The following GNG12 variants were observed in gnomAD, a reference collection of about 807,000 sequenced individuals.
GNG12 encodes guanine nucleotide-binding protein G(I)/G(S)/G(O) subunit gamma-12.
For missense variants in GNG12, 69 were observed against 83.8 expected (o/e 0.82, Z 0.69); for synonymous variants, 28 against 29.7 (o/e 0.94, Z 0.19).
intron 2 of GNG12, among the ~76,000 whole-genome samples, chr1:67,745,408 C>G (rs1184447802): frequency 6.6e-6 from 1 of 152,188 alleles, no homozygotes; most frequent in Non-Finnish European, 1.5e-5. Flanking sequence ...TCTTCTGGGC[C>G]CTGCTTCTTC....
chr1:67,815,265 T>C (rs567686503), intron 1 of GNG12, among the ~76,000 whole-genome samples: 2 of 152,310 alleles, frequency 1.3e-5, no homozygotes, highest in South Asian at 2.1e-4. Flanking sequence ...CTTATATCCC[T>C]GATAAAAATA....
At chr1:67,758,854 T>G (rs1646585317) in intron 2 of GNG12, among the ~76,000 whole-genome samples, 1 of 151,554 alleles carries the variant, frequency 6.6e-6, no homozygotes, top group Non-Finnish European at 1.5e-5. Flanking sequence ...CTCATGGAGG[T>G]AGAGACTAGA....
chr1:67,707,226 C>T (rs1182708991), intron 3 of GNG12, among the ~76,000 whole-genome samples: 5 of 152,206 alleles, frequency 3.3e-5, no homozygotes, highest in African/African-American at 1.2e-4. Flanking sequence ...CTCAGCTGCA[C>T]TGATAATTCT....
chr1:67,832,737 C>T (rs537847349), intron 1 of GNG12, among the ~76,000 whole-genome samples: 70 of 152,286 alleles, frequency 4.6e-4, no homozygotes, highest in Admixed American at 7.2e-4. Flanking sequence ...ATGGGCTCTC[C>T]CCTCTGCGAC....
chr1:67,830,078 T>A (rs1402858748), intron 1 of GNG12, among the ~76,000 whole-genome samples: 1 of 151,398 alleles, frequency 6.6e-6, no homozygotes, highest in Admixed American at 6.6e-5. Context: ...CGATCTCGAT[T>A]CACCGCAACC....
chr1:67,734,905 G>C (rs1326407302), intron 2 of GNG12, among the ~76,000 whole-genome samples: 1 of 152,164 alleles, frequency 6.6e-6, no homozygotes, highest in Non-Finnish European at 1.5e-5. Context: ...CCAGGTTGTA[G>C]TGCAATGGCG....
chr1:67,762,666 C>T (rs988674615), intron 2 of GNG12, among the ~76,000 whole-genome samples: 63 of 152,058 alleles, frequency 4.1e-4, no homozygotes, highest in African/African-American at 1.4e-3. Flanking sequence ...TGAGCATTAG[C>T]GTTTATCTCT....
At chr1:67,777,912 G>A (rs1447069420) in intron 1 of GNG12, among the ~76,000 whole-genome samples, 1 of 152,164 alleles carries the variant, frequency 6.6e-6, no homozygotes, top group African/African-American at 2.4e-5. Flanking sequence ...GGCAGAGGAG[G>A]AGTGTATAAG....
intron 1 of GNG12, among the ~76,000 whole-genome samples, chr1:67,805,522 G>T (rs543275434): frequency 6.6e-6 from 1 of 152,256 alleles, no homozygotes; most frequent in Non-Finnish European, 1.5e-5. Context: ...AATAAAGAAT[G>T]CCTTTGATAA....
intron 2 of GNG12, among the ~76,000 whole-genome samples, chr1:67,724,833 C>T (rs535897848): frequency 6.6e-5 from 10 of 152,192 alleles, no homozygotes; most frequent in African/African-American, 2.2e-4. Flanking sequence ...GTCACTTCAA[C>T]AATTAAACTG....
At chr1:67,750,448 C>G (rs186803695) in intron 2 of GNG12, among the ~76,000 whole-genome samples, 1 of 152,196 alleles carries the variant, frequency 6.6e-6, no homozygotes, top group Non-Finnish European at 1.5e-5. Flanking sequence ...CTCTCTCCAA[C>G]GAGGTGCACG....
At chr1:67,815,580 C>T (rs916796182) in intron 1 of GNG12, among the ~76,000 whole-genome samples, 3 of 152,162 alleles carry the variant, frequency 2.0e-5, no homozygotes, top group East Asian at 1.9e-4. Context: ...GAAGCGGTGA[C>T]GTTCTTCCTT....
intron 1 of GNG12, among the ~76,000 whole-genome samples, chr1:67,784,229 C>T (rs994545163): frequency 6.7e-6 from 1 of 148,374 alleles, no homozygotes; most frequent in African/African-American, 2.5e-5. Context: ...AAAAACCAAA[C>T]ACCACATATT....
chr1:67,747,110 TAAAG>T (rs1161156569), intron 2 of GNG12, among the ~76,000 whole-genome samples: 2 of 152,202 alleles, frequency 1.3e-5, no homozygotes, highest in Non-Finnish European at 2.9e-5. Flanking sequence ...TTTAAAAGCA[TAAAG>T]AATCTTTTTG....
chr1:67,755,162 C>G (rs373099269), intron 2 of GNG12, among the ~76,000 whole-genome samples: 1 of 152,264 alleles, frequency 6.6e-6, no homozygotes, highest in African/African-American at 2.4e-5. Flanking sequence ...AGGAGGAGAG[C>G]TTGCTGATGC....
chr1:67,786,925 T>TTA (rs371809712), intron 1 of GNG12, among the ~76,000 whole-genome samples: 4,975 of 75,364 alleles, frequency 0.066, 173 homozygotes, highest in South Asian at 0.11. Flanking sequence ...TAACAGAGAC[T>TTA]TATATATATA....
At position 67,763,638 on chromosome 1, in the gene GNG12, C is replaced by T. The variant is rs576717154; in HGVS notation, c.-27+13820G>A. The stretch of plus-strand genomic sequence containing the variant: ...GCCTCAAACTCCTGGGCTCAAACAA[C>T]CCTCCTGCCTCAGCCTCCAGGGTAG... On this transcript the variant is annotated intron_variant, in intron 2 of 3. Transcript: ENST00000370982. Among the ~76,000 whole-genome samples, 3 of 151,836 alleles carry T rather than the reference C, an allele frequency of 2.0e-5. No individual in the cohort carries two copies. In the South Asian group the frequency reaches 6.2e-4, roughly 32 times the overall value.
At chr1:67,755,291 T>C (rs1646561641) in intron 2 of GNG12, among the ~76,000 whole-genome samples, 1 of 152,224 alleles carries the variant, frequency 6.6e-6, no homozygotes, top group Non-Finnish European at 1.5e-5. Context: ...CCCTTTGGTT[T>C]AGGCCATTTT....
At chr1:67,739,546 T>C (rs1646471283) in intron 2 of GNG12, among the ~76,000 whole-genome samples, 1 of 152,242 alleles carries the variant, frequency 6.6e-6, no homozygotes, top group Non-Finnish European at 1.5e-5. Context: ...GAATAGGGGC[T>C]CTATCTTGTC....
Sources: gnomAD v4.1 joint callset for allele counts (sites outside exome capture counted in the v4.1 genomes callset) on GRCh38, gnomAD v4.1.1 for gene constraint, MANE v1.5 for transcripts, NCBI Gene and HGNC (gene_info 2026-07-23, HGNC 2026-07-21) for gene names.